The following GK5 variants were observed in gnomAD, a reference collection of about 807,000 sequenced individuals.
GK5 encodes glycerol kinase 5.
A neutral mutation model predicts 77.3 loss-of-function variants in GK5; 39 were observed. The observed-to-expected ratio is 0.50, with a 90% confidence interval of 0.39 to 0.66. The LOEUF is 0.66. GK5 is among the 30% of genes least tolerant of loss of function. The pLI is 0.00. For missense variants in GK5, 487 were observed against 633.8 expected (o/e 0.77, Z 2.49); for synonymous variants, 211 against 208.0 (o/e 1.01, Z -0.13).
intron 10 of GK5, 124 bp from the exon 11 acceptor site, chr3:142,181,689 G>A (rs1175775964): frequency 6.5e-6 from 4 of 618,502 alleles, no homozygotes; most frequent in South Asian, 2.2e-5. Flanking sequence ...GACTGTGGAC[G>A]TTCAAACTCT....
At chr3:142,185,176 GCAA>G (rs2063751958) in intron 9 of GK5, 1 of 902,758 alleles carries the variant, frequency 1.1e-6, no homozygotes, top group African/African-American at 1.8e-5. Flanking sequence ...ACTTTGGGAG[GCAA>G]AGGTGGCAGA....
At chr3:142,201,063 C>T (rs1275557138) in intron 4 of GK5, among the ~76,000 whole-genome samples, 1 of 152,172 alleles carries the variant, frequency 6.6e-6, no homozygotes, top group Admixed American at 6.5e-5. Flanking sequence ...TATAGTCACT[C>T]TTGAAAACAG....
Position 142,185,980 on chromosome 3 carries a change from A to G in GK5, c.765T>C (p.Phe255=), listed in dbSNP as rs2063764627. 1.9e-6 allele frequency: 3 copies of G among 1,605,992 alleles called. No homozygotes were observed. The highest frequency in any genetic ancestry group is 2.6e-6 in the Non-Finnish European group (3 of 1,175,274). The change falls in exon 9 of 16, where the codon TTT becomes TTC. Residue 255 remains phenylalanine (F), a synonymous_variant. Coordinates refer to ENST00000392993, the MANE Select transcript of GK5 (RefSeq NM_001039547.3). ...CAAATATCTCTTCATCCACTGATCC[A>G]AAATTGTGGCTTCAAATAAAATTCA... ...LPPVRDTSHN[F]GSVDEEIFGV...
At chr3:142,200,574 G>C (rs971857961) in intron 4 of GK5, among the ~76,000 whole-genome samples, 1 of 152,070 alleles carries the variant, frequency 6.6e-6, no homozygotes, top group East Asian at 1.9e-4. Context: ...CTTCTGATTT[G>C]TTATAAGAAA....
rs532648399 is a variant in GK5, at chr3:142,163,697, A to G, written c.*1925T>C. 1 of 152,276 alleles carries G rather than the reference A, an allele frequency of 6.6e-6. No individual in the cohort carries two copies. Among genetic ancestry groups the G allele is most frequent in the African/African-American group, 2.4e-5 (1 of 41,558 alleles). 9.4% of individuals were successfully genotyped at this position (152,276 alleles called of 1,614,324 possible). On this transcript the variant is annotated 3_prime_UTR_variant, in exon 16 of 16. Transcript: ENST00000392993. ...ATTCTGACAAAAAGAATTATTTCCT[A>G]TGAAATTACACCCATTGGCTGGGTG...
chr3:142,215,661 A>T lies in GK5; in HGVS notation c.179T>A (p.Val60Glu), dbSNP rs751175751. 20 of 1,596,398 alleles carry T rather than the reference A, an allele frequency of 1.3e-5. No homozygotes were observed. In the South Asian group the frequency reaches 2.2e-4, roughly 18 times the overall value. Residue 60 changes from valine to glutamate, a missense_variant, in exon 2 of 16, where the codon GTA becomes GAA. Val to Glu is a moderately radical substitution (Grantham distance 121). Around this residue, in one of 4 missense-constraint regions of GK5, gnomAD observed 97 missense variants for 86.9 expected, o/e 1.12. Transcript: ENST00000392993. ...CCAAAGAACATCAGGATCAATTTCT[A>T]CCCAGCCAATTTGAGGATAAAGATT... is the stretch of plus-strand genomic sequence containing the variant. ...VENLYPQIGW[V>E]EIDPDVLWIQ...
chr3:142,212,849 T>TTC (rs1386990835), intron 3 of GK5, among the ~76,000 whole-genome samples: 1 of 149,092 alleles, frequency 6.7e-6, no homozygotes, highest in East Asian at 1.9e-4. Context: ...TCTTTTTTTT[T>TTC]TTTTGAGACG....
intron 10 of GK5, among the ~76,000 whole-genome samples, chr3:142,182,712 T>C (rs1190487576): frequency 6.6e-6 from 1 of 152,144 alleles, no homozygotes; most frequent in Non-Finnish European, 1.5e-5. Flanking sequence ...AAGCTGACCA[T>C]ATATCCTGAA....
chr3:142,182,496 C>T (rs1268285035), intron 10 of GK5, among the ~76,000 whole-genome samples: 1 of 152,032 alleles, frequency 6.6e-6, no homozygotes, highest in Non-Finnish European at 1.5e-5. Flanking sequence ...AGGTGCCGGA[C>T]ACCATGCCCC....
chr3:142,200,325 G>A (rs1424690705), intron 4 of GK5, among the ~76,000 whole-genome samples: 2 of 151,930 alleles, frequency 1.3e-5, no homozygotes, highest in Non-Finnish European at 2.9e-5. Flanking sequence ...GGATCACCAC[G>A]CCTGGGTAAT....
rs150587889 is a variant in GK5, at chr3:142,209,897, T to C, written c.317+3629A>G. 9.6e-3 allele frequency among the ~76,000 whole-genome samples: 1,456 copies of C among 152,062 alleles called. 18 individuals are homozygous for C. Among genetic ancestry groups the C allele is most frequent in the Non-Finnish European group, 0.014 (942 of 67,998 alleles). On this transcript the variant is annotated intron_variant, in intron 3 of 15. Coordinates refer to ENST00000392993, the MANE Select transcript of GK5 (RefSeq NM_001039547.3). Reference sequence around the variant, plus strand: ...ATTGGCACACACCCTGATCTGAAGTTAGCTGGCAGAAATCTCCCAAGAGAC... The same window carrying C: ...ATTGGCACACACCCTGATCTGAAGTCAGCTGGCAGAAATCTCCCAAGAGAC...
Position 142,157,925 on chromosome 3 carries a change from G to A in GK5, c.*7697C>T, listed in dbSNP as rs1467746954. The A allele has an allele frequency of 6.6e-6, 1 of 151,628 alleles. No individual in the cohort carries two copies. Among genetic ancestry groups the A allele is most frequent in the Non-Finnish European group, 1.5e-5 (1 of 67,978 alleles). The allele number at this position is 151,628 out of a possible 1,614,324, so 9.4% of individuals were successfully genotyped here. A position where few individuals can be genotyped will look rare whatever the true frequency, so the allele number is the denominator to read the frequency against. On this transcript the variant is annotated 3_prime_UTR_variant, in exon 16 of 16. Transcript: ENST00000392993. ...TGTAGTTAACAAGTGCTATTTCTCTGGTTGTTTTTTGTTGTTGTTGTTGTT... is the reference window on the plus strand; with the variant it reads ...TGTAGTTAACAAGTGCTATTTCTCTAGTTGTTTTTTGTTGTTGTTGTTGTT...
At position 142,186,453 on chromosome 3, in the gene GK5, T is replaced by G; in HGVS notation, c.680A>C (p.Lys227Thr). ...ASTTGLFDPY[K>T]MCWSGMITSL... ...AAAAGAAGAAAAAAAAATTTTTACCTTATATGGGTCAAAAAGTCCAGTTGT... is the reference window on the plus strand; with the variant it reads ...AAAAGAAGAAAAAAAAATTTTTACCGTATATGGGTCAAAAAGTCCAGTTGT... The change falls in exon 7 of 16, where the codon AAG becomes ACG. Residue 227 changes from lysine to threonine, a missense_variant and splice_region_variant. By Grantham distance (78) the Lys-to-Thr change is moderately conservative. Around this residue, in one of 4 missense-constraint regions of GK5, gnomAD observed 323 missense variants for 437.4 expected, o/e 0.74. Coordinates refer to ENST00000392993, the MANE Select transcript of GK5 (RefSeq NM_001039547.3). The G allele has an allele frequency of 1.3e-6, 2 of 1,539,160 alleles. No homozygotes were observed. The highest frequency in any genetic ancestry group is 1.8e-6 in the Non-Finnish European group (2 of 1,136,378).
At chr3:142,177,417 T>C in intron 12 of GK5, 65 bp downstream of exon 12, 1 of 868,706 alleles carries the variant, frequency 1.2e-6, no homozygotes, top group South Asian at 1.5e-5. Context: ...GGTAGATATA[T>C]AAGTTTGGAT....
At chr3:142,177,961 C>T (rs1471058369) in intron 11 of GK5, among the ~76,000 whole-genome samples, 1 of 150,498 alleles carries the variant, frequency 6.6e-6, no homozygotes, top group Non-Finnish European at 1.5e-5. Context: ...CAGGTTCAAA[C>T]GATTCTCCTG....
intron 4 of GK5, among the ~76,000 whole-genome samples, chr3:142,202,072 A>G (rs1271632369): frequency 2.0e-5 from 3 of 152,114 alleles, no homozygotes; most frequent in South Asian, 4.1e-4. Flanking sequence ...TTAAGGTAAG[A>G]AAGGGCTTGA....
At chr3:142,224,827 T>C (rs2064404469) in intron 1 of GK5, among the ~76,000 whole-genome samples, 1 of 152,054 alleles carries the variant, frequency 6.6e-6, no homozygotes, top group Non-Finnish European at 1.5e-5. Flanking sequence ...GAGGCACAAG[T>C]CCAAAGGCTA....
intron 6 of GK5, 22 bp from the exon 7 acceptor site, chr3:142,186,535 T>C (rs1472309979): frequency 8.7e-7 from 1 of 1,153,094 alleles, no homozygotes; most frequent in Non-Finnish European, 1.3e-6. Context: ...TAGGAAATAA[T>C]ACATTTATTA....
chr3:142,199,965 ATTT>A (rs1003787376), intron 4 of GK5, among the ~76,000 whole-genome samples: 3 of 151,998 alleles, frequency 2.0e-5, no homozygotes, highest in African/African-American at 2.4e-5. Flanking sequence ...AGTAATATAA[ATTT>A]TTTTCTTTCA....
Sources: gnomAD v4.1 joint callset for allele counts (sites outside exome capture counted in the v4.1 genomes callset) on GRCh38, gnomAD v4.1.1 for gene constraint, gnomAD v4.1.1 regional missense constraint, MANE v1.5 for transcripts, NCBI Gene and HGNC (gene_info 2026-07-23, HGNC 2026-07-21) for gene names.